Variants in WLS observed in about 807,000 individuals in gnomAD.
WLS encodes the protein Wnt ligand secretion mediator, also known as protein wntless homolog.
Under a neutral mutation model 62.8 loss-of-function variants are expected in WLS, and 23 were observed. The ratio of observed to expected loss-of-function variants is 0.37; its 90% confidence interval spans 0.26 to 0.52. The LOEUF (loss-of-function observed/expected upper bound fraction) is 0.52. Among genes scored for constraint, WLS ranks in the 20% least tolerant of loss-of-function variants. The probability of loss-of-function intolerance (pLI) is 0.92; values close to 1 mark genes in which losing one functional copy is unlikely to be tolerated. For missense variants in WLS, 615 were observed against 697.3 expected (o/e 0.88, Z 1.33); for synonymous variants, 246 against 244.1 (o/e 1.01, Z -0.07).
chr1:68,200,725 T>C (rs1008549203), intron 1 of WLS, among the ~76,000 whole-genome samples: 2 of 152,208 alleles, frequency 1.3e-5, no homozygotes, highest in Non-Finnish European at 2.9e-5. Flanking sequence ...TACTTTGAAA[T>C]GTAGAGAAAA....
intron 11 of WLS, among the ~76,000 whole-genome samples, chr1:68,127,930 TTA>T (rs1646459666): frequency 6.6e-6 from 1 of 152,120 alleles, no homozygotes; most frequent in Non-Finnish European, 1.5e-5. Context: ...CCACGCAGTA[TTA>T]GTTTCTCATC....
intron 11 of WLS, among the ~76,000 whole-genome samples, chr1:68,119,929 C>G (rs1345380077): frequency 6.6e-6 from 1 of 152,192 alleles, no homozygotes; most frequent in Non-Finnish European, 1.5e-5. Context: ...TCTTGCTTAA[C>G]TGGGAGGGAA....
intron 11 of WLS, among the ~76,000 whole-genome samples, chr1:68,136,530 T>A (rs1397564035): frequency 6.6e-6 from 1 of 152,200 alleles, no homozygotes; most frequent in Non-Finnish European, 1.5e-5. Context: ...CCCCGCTTTG[T>A]AAAGACTGAC....
At chr1:68,210,739 C>G (rs1181119429) in intron 1 of WLS, among the ~76,000 whole-genome samples, 1 of 152,140 alleles carries the variant, frequency 6.6e-6, no homozygotes, top group Non-Finnish European at 1.5e-5. Flanking sequence ...AAAGCCCCAG[C>G]CGCTCATCAC....
At position 68,154,205 on chromosome 1, in the gene WLS, C is replaced by T. The variant is rs147704769; in HGVS notation, c.667-552G>A. Reference sequence around the variant, plus strand: ...AGCAGAGATATCCTCTATCTCTTAACACCTCTCTTGGCCGTTTAATCCTCA... The same window carrying T: ...AGCAGAGATATCCTCTATCTCTTAATACCTCTCTTGGCCGTTTAATCCTCA... On this transcript the variant is annotated intron_variant, in intron 4 of 11. Coordinates refer to ENST00000262348, the MANE Select transcript of WLS (RefSeq NM_024911.7). Among the ~76,000 whole-genome samples, 12 of 152,218 alleles carry T rather than the reference C, an allele frequency of 7.9e-5. No homozygotes were observed. The East Asian group carries it at 2.3e-3, about 29-fold the overall frequency.
intron 11 of WLS, among the ~76,000 whole-genome samples, chr1:68,119,377 A>G (rs1312436154): frequency 2.0e-5 from 3 of 152,176 alleles, no homozygotes; most frequent in East Asian, 3.9e-4. Flanking sequence ...TTACTCTTTC[A>G]TGTATTTTTG....
chr1:68,159,672 T>A (rs79659652), intron 2 of WLS, among the ~76,000 whole-genome samples: 6,943 of 152,294 alleles, frequency 0.046, 235 homozygotes, highest in African/African-American at 0.1. Flanking sequence ...CTTTCCTCTC[T>A]GATAAACATG....
At chr1:68,106,258 G>T (rs1475967253) in intron 11 of WLS, among the ~76,000 whole-genome samples, 1 of 152,162 alleles carries the variant, frequency 6.6e-6, no homozygotes, top group Admixed American at 6.5e-5. Context: ...AAGGCAGCCG[G>T]ACTCAATGGC....
chr1:68,100,451 A>G (rs1243208868), intron 11 of WLS, among the ~76,000 whole-genome samples: 2 of 152,222 alleles, frequency 1.3e-5, no homozygotes, highest in Non-Finnish European at 2.9e-5. Flanking sequence ...TCAGGTGTGA[A>G]TGACCCCTAA....
intron 11 of WLS, among the ~76,000 whole-genome samples, chr1:68,105,708 G>T (rs1161079156): frequency 2.6e-5 from 4 of 152,254 alleles, no homozygotes; most frequent in East Asian, 1.9e-4. Context: ...GGAAGGTGAG[G>T]GGTGTTAGTG....
intron 2 of WLS, among the ~76,000 whole-genome samples, chr1:68,175,654 A>G (rs1647229911): frequency 6.6e-6 from 1 of 152,242 alleles, no homozygotes; most frequent in Non-Finnish European, 1.5e-5. Context: ...AAAGAGCTAT[A>G]AAACCATGCC....
At chr1:68,211,372 A>C (rs898945976) in intron 1 of WLS, among the ~76,000 whole-genome samples, 11 of 151,816 alleles carry the variant, frequency 7.2e-5, no homozygotes. Context: ...AAAAAACAAC[A>C]GGTTTTTCTT....
intron 1 of WLS, among the ~76,000 whole-genome samples, chr1:68,230,523 C>A (rs754398774): frequency 6.6e-6 from 1 of 151,696 alleles, no homozygotes; most frequent in African/African-American, 2.4e-5. Flanking sequence ...TACGGGGAAA[C>A]GAGATTGCAT....
chr1:68,150,717 T>C (rs944595212), intron 5 of WLS, among the ~76,000 whole-genome samples: 4 of 152,210 alleles, frequency 2.6e-5, no homozygotes, highest in Non-Finnish European at 4.4e-5. Context: ...ATTCATCTGA[T>C]CATTAAGAAC....
intron 2 of WLS, among the ~76,000 whole-genome samples, chr1:68,166,022 T>C (rs768611801): frequency 6.6e-6 from 1 of 152,190 alleles, no homozygotes; most frequent in Non-Finnish European, 1.5e-5. Context: ...TTCTAATCTG[T>C]TGAGGATCCT....
At chr1:68,164,578 A>G (rs926416378) in intron 2 of WLS, among the ~76,000 whole-genome samples, 1 of 152,138 alleles carries the variant, frequency 6.6e-6, no homozygotes, top group African/African-American at 2.4e-5. Flanking sequence ...TTTAAAACAT[A>G]AAAAATACAT....
At chr1:68,162,169 C>T (rs1280653113) in intron 2 of WLS, 2 of 1,453,862 alleles carry the variant, frequency 1.4e-6, no homozygotes, top group African/African-American at 2.8e-5. Flanking sequence ...TTTCAACGGA[C>T]CCTGAGCAAA....
intron 11 of WLS, among the ~76,000 whole-genome samples, chr1:68,127,419 T>C (rs1170350932): frequency 6.6e-6 from 1 of 152,188 alleles, no homozygotes; most frequent in Non-Finnish European, 1.5e-5. Flanking sequence ...TGGACAGTGT[T>C]CTGCTAAAAT....
At chr1:68,159,885 A>G (rs552614847) in intron 2 of WLS, among the ~76,000 whole-genome samples, 1 of 152,350 alleles carries the variant, frequency 6.6e-6, no homozygotes, top group Non-Finnish European at 1.5e-5. Context: ...AAAGACTTAT[A>G]CACAGATAGG....
Sources: gnomAD v4.1 joint callset for allele counts (sites outside exome capture counted in the v4.1 genomes callset) on GRCh38, gnomAD v4.1.1 for gene constraint, MANE v1.5 for transcripts, NCBI Gene and HGNC (gene_info 2026-07-23, HGNC 2026-07-21) for gene names.